The following MARCHF1 variants were observed in gnomAD, a reference collection of about 807,000 sequenced individuals.
MARCHF1 encodes the protein membrane associated ring-CH-type finger 1, also known as E3 ubiquitin-protein ligase MARCHF1.
MARCHF1 carries 40 observed loss-of-function variants against 54.2 expected under a neutral mutation model. The observed-to-expected ratio is 0.74, with a 90% CI of 0.57 to 0.96. MARCHF1 has a LOEUF of 0.96. MARCHF1 is among the 40% of genes least tolerant of loss of function. The pLI, the probability that MARCHF1 is intolerant of heterozygous loss-of-function variation, is 0.00. For synonymous variants in MARCHF1, 236 were observed against 236.3 expected (o/e 1.00, Z 0.01); for missense variants, 586 against 656.5 (o/e 0.89, Z 1.17).
At chr4:164,331,057 C>A (rs1735421723) in intron 1 of MARCHF1, among the ~76,000 whole-genome samples, 1 of 152,078 alleles carries the variant, frequency 6.6e-6, no homozygotes. Context: ...TAACACCATT[C>A]TGATGAAAAG....
intron 4 of MARCHF1, among the ~76,000 whole-genome samples, chr4:163,710,412 T>A (rs1334617228): frequency 6.6e-6 from 1 of 152,154 alleles, no homozygotes; most frequent in Non-Finnish European, 1.5e-5. Context: ...CGACCATGAA[T>A]ATGAGTTGTA....
intron 9 of MARCHF1, chr4:163,530,276 C>G (rs1268760995): frequency 6.6e-6 from 1 of 151,946 alleles, no homozygotes; most frequent in African/African-American, 2.4e-5. Context: ...AATCCCAGAT[C>G]CCCAGCAAAC....
intron 2 of MARCHF1, among the ~76,000 whole-genome samples, chr4:164,060,828 C>A (rs1158284217): frequency 6.6e-6 from 1 of 152,156 alleles, no homozygotes; most frequent in East Asian, 1.9e-4. Context: ...CTCTGCATTT[C>A]TTCTGTACCA....
intron 4 of MARCHF1, among the ~76,000 whole-genome samples, chr4:163,828,014 TACACACACACACACACACACAC>T (rs748460236): frequency 1.1e-4 from 14 of 124,570 alleles, no homozygotes; most frequent in African/African-American, 3.4e-4. Context: ...TGCGCAGGCA[TACACACACACACACACACACAC>T]ACACACACAC....
intron 5 of MARCHF1, among the ~76,000 whole-genome samples, chr4:163,654,853 C>T (rs1177400602): frequency 1.3e-5 from 2 of 151,634 alleles, no homozygotes; most frequent in Non-Finnish European, 1.5e-5. Flanking sequence ...TGTCATTAAA[C>T]ATTGAGTATG....
rs10611765 is a variant in MARCHF1, at chr4:163,845,460, T to TACACAC, written c.111+8555_111+8560dup. Among the ~76,000 whole-genome samples the TACACAC allele has an allele frequency of 2.4e-3, 331 of 137,592 alleles. 2 individuals are homozygous for TACACAC. Among genetic ancestry groups the TACACAC allele is most frequent in the African/African-American group, 7.0e-3 (264 of 37,640 alleles). 90.3% of individuals were successfully genotyped at this position (137,592 alleles called of 152,430 possible). ...ATGGGGAGAGACAATGCACCTCAGT[T>TACACAC]ACACACACACACACACACACACACA... On this transcript the variant is annotated intron_variant, in intron 4 of 9. Coordinates refer to ENST00000514618, the MANE Select transcript of MARCHF1 (RefSeq NM_001394959.1).
chr4:163,888,744 ATTTATCAAG>A (rs1750592777), intron 3 of MARCHF1, among the ~76,000 whole-genome samples: 1 of 152,154 alleles, frequency 6.6e-6, no homozygotes, highest in Non-Finnish European at 1.5e-5. Flanking sequence ...ACAGTTGGAA[ATTTATCAAG>A]ACAACCCCTC....
At chr4:164,328,910 A>C (rs2110794398) in intron 1 of MARCHF1, among the ~76,000 whole-genome samples, 1 of 152,330 alleles carries the variant, frequency 6.6e-6, no homozygotes, top group Non-Finnish European at 1.5e-5. Flanking sequence ...CTAAATTACA[A>C]AAGATTCCTA....
chr4:163,848,065 G>A (rs149482432), intron 4 of MARCHF1, among the ~76,000 whole-genome samples: 1 of 152,330 alleles, frequency 6.6e-6, no homozygotes, highest in East Asian at 1.9e-4. Context: ...GTGCATCTGA[G>A]TAAAATGGGT....
chr4:163,689,035 T>C (rs1358881478), intron 5 of MARCHF1, among the ~76,000 whole-genome samples: 3 of 152,142 alleles, frequency 2.0e-5, no homozygotes, highest in Admixed American at 6.5e-5. Context: ...CACAAAACCA[T>C]GTTATTCATT....
chr4:163,796,727 G>GT (rs1212660236), intron 4 of MARCHF1, among the ~76,000 whole-genome samples: 9 of 151,530 alleles, frequency 5.9e-5, no homozygotes, highest in South Asian at 2.1e-4. Flanking sequence ...CTATTCTGAT[G>GT]TTTTTTTTCC....
chr4:163,771,568 G>A (rs146892747), intron 4 of MARCHF1, among the ~76,000 whole-genome samples: 246 of 152,204 alleles, frequency 1.6e-3, no homozygotes, highest in African/African-American at 5.7e-3. Context: ...TTTCTGTAAG[G>A]GTGCTAATAC....
chr4:164,209,033 T>TATATA (rs1480090066), intron 1 of MARCHF1, among the ~76,000 whole-genome samples: 1 of 149,910 alleles, frequency 6.7e-6, no homozygotes, highest in African/African-American at 2.4e-5. Flanking sequence ...ATTATATATA[T>TATATA]TATATATAAA....
At position 163,783,773 on chromosome 4, in the gene MARCHF1, T is replaced by C. The variant is rs77978850; in HGVS notation, c.111+70248A>G. Among the ~76,000 whole-genome samples, 314 of 152,314 alleles carry C rather than the reference T, an allele frequency of 2.1e-3. 1 individual carries two copies. Among genetic ancestry groups the C allele is most frequent in the African/African-American group, 7.2e-3 (301 of 41,578 alleles). On this transcript the variant is annotated intron_variant, in intron 4 of 9. Transcript: ENST00000514618. ...TTTTGAACTCTCTTTAATCTTTTTT[T>C]CTTGCCTGCAATGCTGGTCCCTTTC...
intron 3 of MARCHF1, among the ~76,000 whole-genome samples, chr4:163,893,417 G>A (rs1750707289): frequency 6.6e-6 from 1 of 152,128 alleles, no homozygotes; most frequent in East Asian, 1.9e-4. Flanking sequence ...AGGATTACAG[G>A]CGTGAGCCAC....
chr4:163,553,195 C>T (rs1483969078), intron 8 of MARCHF1, among the ~76,000 whole-genome samples: 2 of 152,146 alleles, frequency 1.3e-5, no homozygotes, highest in African/African-American at 2.4e-5. Context: ...AGGGTAAAGT[C>T]TAAGCAACTT....
At chr4:164,197,301 T>G (rs1731299178) in intron 1 of MARCHF1, 1 of 1,611,834 alleles carries the variant, frequency 6.2e-7, no homozygotes, top group Non-Finnish European at 8.5e-7. Context: ...GATATGTGAG[T>G]TGCAGGAGAA....
chr4:163,873,170 ATC>A (rs1351995511), intron 3 of MARCHF1, among the ~76,000 whole-genome samples: 1 of 152,212 alleles, frequency 6.6e-6, no homozygotes, highest in African/African-American at 2.4e-5. Context: ...CTAATGAACA[ATC>A]TCTCTCTTTC....
At chr4:164,088,574 C>T in intron 2 of MARCHF1, among the ~76,000 whole-genome samples, 1 of 151,938 alleles carries the variant, frequency 6.6e-6, no homozygotes, top group East Asian at 1.9e-4. Context: ...TCTGTCTCTA[C>T]AAAAAATACA....
Sources: allele counts gnomAD v4.1 joint callset (sites outside exome capture counted in the v4.1 genomes callset), GRCh38; gene constraint gnomAD v4.1.1; transcripts MANE v1.5; gene names NCBI Gene and HGNC (gene_info 2026-07-23, HGNC 2026-07-21).